The following SHTN1 variants were observed in gnomAD, a reference collection of about 807,000 sequenced individuals.
SHTN1 encodes the protein shootin 1.
Under a neutral mutation model 83.1 loss-of-function variants are expected in SHTN1, and 42 were observed. That is an observed-to-expected ratio of 0.51 (90% confidence interval 0.39 to 0.65). The LOEUF (loss-of-function observed/expected upper bound fraction) is 0.65. SHTN1 is among the 30% of genes least tolerant of loss of function. SHTN1 has a pLI of 0.00. For synonymous variants in SHTN1, 224 were observed against 247.7 expected, an observed-to-expected ratio of 0.90 and a Z score of 0.90; for missense variants, 622 against 737.8, an observed-to-expected ratio of 0.84 and a Z score of 1.82.
intron 11 of SHTN1, 81 bp downstream of exon 11, chr10:116,927,711 G>T: frequency 2.8e-6 from 4 of 1,410,552 alleles, no homozygotes; most frequent in Non-Finnish European, 3.7e-6. Flanking sequence ...TATCTTTCAT[G>T]CTTTTAAGAT....
In SHTN1 at chr10:117,110,518, A is replaced by AT. The variant is rs752708749; in HGVS notation, c.-189+15788dup. On this transcript the variant is annotated intron_variant, in intron 1 of 17. Transcript: ENST00000392901. ...AGGTGCACACCGCCATGCCTGGGTA[A>AT]TTTTTTTTTTTTTTTGTATTTTAGT... Among the ~76,000 whole-genome samples the AT allele has an allele frequency of 7.7e-3, 1,089 of 140,612 alleles. 6 individuals are homozygous for AT. Among genetic ancestry groups the AT allele is most frequent in the African/African-American group, 0.016 (596 of 38,306 alleles). The allele number at this position is 140,612 out of a possible 152,430, so 92.2% of individuals were successfully genotyped here.
intron 1 of SHTN1, among the ~76,000 whole-genome samples, chr10:117,113,367 A>G (rs1319676845): frequency 1.3e-5 from 2 of 152,198 alleles, no homozygotes; most frequent in Non-Finnish European, 2.9e-5. Flanking sequence ...ATGAGGAATG[A>G]GCCTCTTGAT....
At chr10:117,099,482 G>C (rs1396952764) in intron 1 of SHTN1, among the ~76,000 whole-genome samples, 1 of 152,040 alleles carries the variant, frequency 6.6e-6, no homozygotes, top group African/African-American at 2.4e-5. Flanking sequence ...CACTGATTTT[G>C]CTCTCAGGAT....
Position 116,907,115 on chromosome 10 carries a change from A to C in SHTN1, c.1360-368T>G, listed in dbSNP as rs78647809. Among the ~76,000 whole-genome samples, 620 of 152,312 alleles carry C rather than the reference A, an allele frequency of 4.1e-3. 2 individuals are homozygous for C. Among genetic ancestry groups the C allele is most frequent in the Non-Finnish European group, 6.9e-3 (470 of 68,028 alleles). ...ATTGATATATTAAACTCACCTTAGA[A>C]GGAAATCTTTATATGGCAGCCACAA... On this transcript the variant is annotated intron_variant, in intron 14 of 16. Transcript: ENST00000355371.
At chr10:117,028,755 G>A (rs1852365261) in intron 2 of SHTN1, among the ~76,000 whole-genome samples, 2 of 152,190 alleles carry the variant, frequency 1.3e-5, no homozygotes, top group African/African-American at 4.8e-5. Flanking sequence ...AAAAGTTGAG[G>A]CTTGGGAGCC....
chr10:117,124,102 T>C (rs1401259428), intron 1 of SHTN1, among the ~76,000 whole-genome samples: 1 of 151,014 alleles, frequency 6.6e-6, no homozygotes, highest in Admixed American at 6.6e-5. Context: ...TCCCAGCTAC[T>C]CAGGAGGCTG....
chr10:116,983,692 ATACATAC>A lies in SHTN1; in HGVS notation c.59-4391_59-4385del, dbSNP rs1564913760. The stretch of plus-strand genomic sequence containing the variant: ...GATAGATAGATAGATAGATAAATAC[ATACATAC>A]ATACATACATACATACATACATACA... On this transcript the variant is annotated intron_variant, in intron 1 of 16. Coordinates refer to ENST00000355371, the MANE Select transcript of SHTN1 (RefSeq NM_001127211.3). 7.4e-4 allele frequency among the ~76,000 whole-genome samples: 13 copies of A among 17,584 alleles called. 1 individual carries two copies. In the South Asian group the frequency reaches 9.6e-3, roughly 13 times the overall value. 11.5% of individuals were successfully genotyped at this position (17,584 alleles called of 152,430 possible).
At chr10:117,036,700 GACCT>G (rs1392100708) in intron 2 of SHTN1, among the ~76,000 whole-genome samples, 1 of 152,058 alleles carries the variant, frequency 6.6e-6, no homozygotes, top group Non-Finnish European at 1.5e-5. Flanking sequence ...GAATGAACAA[GACCT>G]ACTATTTGAT....
Position 117,044,282 on chromosome 10 carries a change from T to C in SHTN1, c.-123+4163A>G, listed in dbSNP as rs1020895358. 1.0e-4 allele frequency among the ~76,000 whole-genome samples: 8 copies of C among 78,336 alleles called. No homozygotes were observed. In the Admixed American group the frequency reaches 1.0e-3, roughly 10 times the overall value. 51.4% of individuals were successfully genotyped at this position (78,336 alleles called of 152,430 possible). On this transcript the variant is annotated intron_variant, in intron 2 of 17. Transcript: ENST00000392901. ...CATTTATACTATTCTATAATCTGTT[T>C]TACTTAACAATATATCTTGGAGATC...
At position 117,074,171 on chromosome 10, in the gene SHTN1, C is replaced by T. The variant is rs970629301; in HGVS notation, c.-188-25661G>A. On this transcript the variant is annotated intron_variant, in intron 1 of 17. Coordinates refer to the SHTN1 transcript ENST00000392901. ...CTTTTCATTAGAAAGCTAATAGTCT[C>T]TAACTACTCTCAGCAAACACCAAAT... 2.0e-5 allele frequency among the ~76,000 whole-genome samples: 3 copies of T among 152,162 alleles called. No homozygotes were observed. The South Asian group carries it at 6.2e-4, about 32-fold the overall frequency.
At chr10:116,968,968 T>C (rs1850500210) in intron 2 of SHTN1, among the ~76,000 whole-genome samples, 1 of 152,216 alleles carries the variant, frequency 6.6e-6, no homozygotes, top group Admixed American at 6.5e-5. Context: ...TCCTCAGTAA[T>C]AGCCCGATTT....
At chr10:117,054,843 T>C (rs1271113257) in intron 1 of SHTN1, among the ~76,000 whole-genome samples, 2 of 152,188 alleles carry the variant, frequency 1.3e-5, no homozygotes, top group Non-Finnish European at 2.9e-5. Context: ...ATATCCCACC[T>C]TTTCAGGACA....
upstream of SHTN1, among the ~76,000 whole-genome samples, chr10:117,009,896 G>C (rs1221157612): frequency 6.6e-6 from 1 of 151,100 alleles, no homozygotes; most frequent in Admixed American, 6.6e-5. Context: ...GAGTGAGACT[G>C]TCTCAAAAAA....
Position 116,921,532 on chromosome 10 carries a change from A to G in SHTN1, c.1113-16T>C. On this transcript the variant is annotated splice_polypyrimidine_tract_variant and intron_variant, in intron 11 of 16. Transcript: ENST00000355371. ...CATGAGGGATCTTTGGGAGAAAGAA[A>G]AAGATCAACAGGAGATTACTGGATG... 6.3e-7 allele frequency: 1 copy of G among 1,597,670 alleles called. No homozygotes were observed. Among genetic ancestry groups the G allele is most frequent in the South Asian group, 1.1e-5 (1 of 89,824 alleles).
chr10:116,982,962 C>CAA (rs534195833), intron 1 of SHTN1, among the ~76,000 whole-genome samples: 172 of 138,148 alleles, frequency 1.2e-3, no homozygotes, highest in African/African-American at 4.3e-3. Context: ...GACTCTGTCT[C>CAA]AAAAAAAAAA....
chr10:117,105,671 G>A (rs1853659759), intron 1 of SHTN1, among the ~76,000 whole-genome samples: 1 of 152,154 alleles, frequency 6.6e-6, no homozygotes, highest in Non-Finnish European at 1.5e-5. Context: ...ATATGCCTGG[G>A]ATTATTTTTC....
chr10:116,929,921 C>G lies in SHTN1; in HGVS notation c.940G>C (p.Glu314Gln), dbSNP rs1589816279. 1.2e-6 allele frequency: 2 copies of G among 1,609,440 alleles called. No individual in the cohort carries two copies. The highest frequency in any genetic ancestry group is 1.7e-6 in the Non-Finnish European group (2 of 1,177,104). Reference protein sequence around the residue: ...HNLKQQLELLEEDKKELELKY... With the variant: ...HNLKQQLELLQEDKKELELKY... Reference sequence around the variant, plus strand: ...AATTCCAATTCCTTTTTATCTTCCTCTAGAAGCTCCAGTTGCTGTTTGAGG... The same window carrying G: ...AATTCCAATTCCTTTTTATCTTCCTGTAGAAGCTCCAGTTGCTGTTTGAGG... The change falls in exon 10 of 17, where the codon GAG (glutamate) becomes CAG (glutamine). Residue 314 changes from glutamate to glutamine, a missense_variant. This residue lies in a region of SHTN1 where 383 missense variants were observed against 455.8 expected (regional missense o/e 0.84). Transcript: ENST00000355371.
At chr10:117,103,620 T>C (rs1853631648) in intron 1 of SHTN1, among the ~76,000 whole-genome samples, 1 of 140,252 alleles carries the variant, frequency 7.1e-6, no homozygotes, top group Admixed American at 7.6e-5. Context: ...TCACTGCAAG[T>C]TCTGCCTCCC....
chr10:117,091,683 A>G (rs893138533), intron 1 of SHTN1, among the ~76,000 whole-genome samples: 2 of 152,090 alleles, frequency 1.3e-5, no homozygotes, highest in African/African-American at 4.8e-5. Flanking sequence ...TAGCATATAC[A>G]TTTTCTCCAG....
Sources: allele counts gnomAD v4.1 joint callset (sites outside exome capture counted in the v4.1 genomes callset), GRCh38; gene constraint gnomAD v4.1.1; regional missense constraint gnomAD v4.1.1; transcripts MANE v1.5; gene names NCBI Gene and HGNC (gene_info 2026-07-23, HGNC 2026-07-21).